Variants in AP3D1 observed in about 807,000 individuals in gnomAD.
AP3D1 encodes adaptor related protein complex 3 subunit delta 1.
Under a neutral mutation model 147.6 loss-of-function variants are expected in AP3D1, and 51 were observed. The observed-to-expected ratio is 0.35, with a 90% CI of 0.28 to 0.44. AP3D1 has a LOEUF of 0.44. AP3D1 is among the 20% of genes least tolerant of loss of function. The probability of loss-of-function intolerance (pLI) is 1.00; values close to 1 mark genes in which losing one functional copy is unlikely to be tolerated. For missense variants in AP3D1, 1,421 were observed against 1,624.2 expected (o/e 0.87, Z 2.15); for synonymous variants, 760 against 663.0 (o/e 1.15, Z -2.25).
chr19:2,154,967 G>A (rs1355148227), upstream of AP3D1, among the ~76,000 whole-genome samples: 2 of 152,088 alleles, frequency 1.3e-5, no homozygotes, highest in African/African-American at 4.8e-5. Flanking sequence ...ATCACCTGAG[G>A]TCAGGAGTTG....
At chr19:2,108,580 T>A in intron 31 of AP3D1, 107 bp downstream of exon 31, 1 of 1,009,400 alleles carries the variant, frequency 9.9e-7, no homozygotes, top group South Asian at 1.5e-5. Context: ...GCCATCACTG[T>A]CCTCGAGCCC....
At chr19:2,113,100 G>T in intron 23 of AP3D1, 133 bp from the exon 24 acceptor site, 1 of 671,716 alleles carries the variant, frequency 1.5e-6, no homozygotes, top group Non-Finnish European at 2.5e-6. Flanking sequence ...TGCCCTCCGA[G>T]TGACAGGGAG....
Position 2,116,658 on chromosome 19 carries a change from GCTC to G in AP3D1, c.1945_1947del (p.Glu649del), listed in dbSNP as rs1281446164. ...GACGGCCGGTGCTTGGGACGCCGCT[GCTC>G]CTCCTCGTGGAAGACGGCCCTGGGC... On this transcript the variant is annotated inframe_deletion, in exon 17 of 32. Transcript: ENST00000643116. The G allele has an allele frequency of 1.9e-6, 3 of 1,606,374 alleles. No homozygotes were observed. The highest frequency in any genetic ancestry group is 1.3e-5 in the African/African-American group (1 of 74,796).
intron 1 of AP3D1, among the ~76,000 whole-genome samples, chr19:2,161,321 C>T (rs2019696517): frequency 6.6e-6 from 1 of 151,822 alleles, no homozygotes; most frequent in Admixed American, 6.6e-5. Context: ...GCCACCATGC[C>T]TGGCTAATTT....
At chr19:2,135,181 A>G (rs2019045344) in intron 4 of AP3D1, among the ~76,000 whole-genome samples, 1 of 152,106 alleles carries the variant, frequency 6.6e-6, no homozygotes, top group Non-Finnish European at 1.5e-5. Flanking sequence ...AGCCTGGACG[A>G]CAGAGCAAGA....
At position 2,116,740 on chromosome 19, in the gene AP3D1, G is replaced by A; in HGVS notation, c.1866C>T (p.Asp622=). 6.2e-7 allele frequency: 1 copy of A among 1,609,866 alleles called. No individual in the cohort carries two copies. Among genetic ancestry groups the A allele is most frequent in the Non-Finnish European group, 8.5e-7 (1 of 1,178,354 alleles). ...QKKVPVPEGL[D]LDAWINEPLS... ...GTGGCTCATTGATCCAGGCGTCCAGGTCCAGGCTGCACCGGACAGGAGGGC... is the reference window on the plus strand; with the variant it reads ...GTGGCTCATTGATCCAGGCGTCCAGATCCAGGCTGCACCGGACAGGAGGGC... Residue 622 remains aspartate (D), a synonymous_variant, in exon 17 of 32, where the codon GAC becomes GAT. Transcript: ENST00000643116.
rs943409711 is a variant in AP3D1, at chr19:2,102,027, C to T, written c.*146G>A. ...GATAATTCAACGCAACAAATGACCT[C>T]GGATGTCTACACGGCGGACAACATA... On this transcript the variant is annotated 3_prime_UTR_variant, in exon 32 of 32. Coordinates refer to ENST00000643116, the MANE Select transcript of AP3D1 (RefSeq NM_001261826.3). The T allele has an allele frequency of 9.3e-6, 6 of 643,136 alleles. No homozygotes were observed. Among genetic ancestry groups the T allele is most frequent in the Admixed American group, 2.6e-5 (1 of 38,320 alleles). The allele number at this position is 643,136 out of a possible 1,614,324, so 39.8% of individuals were successfully genotyped here.
intron 11 of AP3D1, among the ~76,000 whole-genome samples, chr19:2,123,011 T>C (rs2018653405): frequency 6.6e-6 from 1 of 152,212 alleles, no homozygotes; most frequent in South Asian, 2.1e-4. Flanking sequence ...CGCAAAAACA[T>C]GCAGAGGCTG....
intron 1 of AP3D1, among the ~76,000 whole-genome samples, chr19:2,147,077 G>A (rs1457954809): frequency 6.6e-6 from 1 of 152,226 alleles, no homozygotes; most frequent in Admixed American, 6.5e-5. Flanking sequence ...GGGCGTGGTG[G>A]CTCACGCCTG....
rs2019128153 is a variant in AP3D1 at position 2,138,206 on chromosome 19, G to A, written c.193-399C>T. On this transcript the variant is annotated intron_variant, in intron 2 of 31. Transcript: ENST00000643116. ...GGGGAAACGGGCCAGAGGGAGGAGT[G>A]CCTGTCCCCAGCTCACGCACTGACC... Among the ~76,000 whole-genome samples the A allele has an allele frequency of 2.0e-5, 3 of 152,180 alleles. No homozygotes were observed. In the South Asian group the frequency reaches 6.2e-4, roughly 31 times the overall value.
rs758304730 is a variant in AP3D1 at position 2,116,623 on chromosome 19, G to C, written c.1983C>G (p.Asp661Glu). Residue 661 changes from aspartate to glutamate, a missense_variant, in exon 17 of 32, where the codon GAC becomes GAG. By Grantham distance (45) the Asp-to-Glu change is conservative. Coordinates refer to ENST00000643116, the MANE Select transcript of AP3D1 (RefSeq NM_001261826.3). ...AGCTCACCCGAGCCAGCTCTTCCTCGTCCGCCTCCGACGGCCGGTGCTTGG... is the reference window on the plus strand; with the variant it reads ...AGCTCACCCGAGCCAGCTCTTCCTCCTCCGCCTCCGACGGCCGGTGCTTGG... ...RRPKHRPSEA[D>E]EEELARRREA... The C allele has an allele frequency of 2.1e-5, 34 of 1,598,112 alleles. No individual in the cohort carries two copies. The East Asian group carries it at 7.7e-4, about 36-fold the overall frequency.
At chr19:2,155,799 T>C (rs369072077), upstream of AP3D1, among the ~76,000 whole-genome samples, 5 of 152,206 alleles carry the variant, frequency 3.3e-5, no homozygotes, top group East Asian at 7.7e-4. Context: ...ACGGCTGACA[T>C]GCCAGCACTC....
intron 9 of AP3D1, among the ~76,000 whole-genome samples, chr19:2,126,222 C>G (rs773264928): frequency 6.6e-6 from 1 of 152,164 alleles, no homozygotes; most frequent in Non-Finnish European, 1.5e-5. Flanking sequence ...GCTTTATCAA[C>G]CATAAGGAAG....
At chr19:2,159,755 C>T (rs548650590) in intron 1 of AP3D1, among the ~76,000 whole-genome samples, 142 of 151,112 alleles carry the variant, frequency 9.4e-4, no homozygotes, top group African/African-American at 3.4e-3. Context: ...GGCTGGAGTG[C>T]AGTGGCGCTA....
intron 4 of AP3D1, among the ~76,000 whole-genome samples, chr19:2,135,292 T>C (rs1051510655): frequency 1.3e-5 from 2 of 151,576 alleles, no homozygotes; most frequent in African/African-American, 4.9e-5. Context: ...TCCCAGCACT[T>C]TGGGAAGCCA....
At chr19:2,148,170 G>GA (rs2019411666) in intron 1 of AP3D1, among the ~76,000 whole-genome samples, 1 of 148,244 alleles carries the variant, frequency 6.7e-6, no homozygotes, top group African/African-American at 2.5e-5. Context: ...AAAAGAAAAA[G>GA]AAAAAATGGA....
intron 4 of AP3D1, 66 bp downstream of exon 4, chr19:2,136,945 A>T: frequency 6.9e-7 from 1 of 1,443,198 alleles, no homozygotes; most frequent in Non-Finnish European, 9.5e-7. Flanking sequence ...CGCGTGTGGG[A>T]ACCAGACGCT....
At chr19:2,118,923 C>A in intron 14 of AP3D1, 91 bp from the exon 15 acceptor site, 3 of 1,221,602 alleles carry the variant, frequency 2.5e-6, no homozygotes, top group African/African-American at 1.5e-5. Flanking sequence ...GGCTCGTCAC[C>A]AACAAGGTGA....
intron 31 of AP3D1, among the ~76,000 whole-genome samples, chr19:2,108,044 G>T (rs764692742): frequency 6.6e-6 from 1 of 152,192 alleles, no homozygotes; most frequent in Non-Finnish European, 1.5e-5. Context: ...CCCCAGGCCC[G>T]ATGGTTTTCT....
Sources: allele counts gnomAD v4.1 joint callset (sites outside exome capture counted in the v4.1 genomes callset), GRCh38; gene constraint gnomAD v4.1.1; transcripts MANE v1.5; gene names NCBI Gene and HGNC (gene_info 2026-07-23, HGNC 2026-07-21).